SLC13A1: variants seen among roughly 807,000 people sequenced by gnomAD.
The protein encoded by SLC13A1 is Na(+)/sulfate cotransporter.
In SLC13A1, 65 loss-of-function variants were observed where a neutral mutation model predicts 70.0. The observed-to-expected ratio is 0.93, with a 90% CI of 0.76 to 1.14. The LOEUF is 1.14. Among genes scored for constraint, SLC13A1 ranks in the 50% most tolerant of loss-of-function variants. The pLI, the probability that SLC13A1 is intolerant of heterozygous loss-of-function variation, is 0.00. For synonymous variants in SLC13A1, 275 were observed against 250.5 expected, an observed-to-expected ratio of 1.10 and a Z score of -0.92; for missense variants, 726 against 717.8, an observed-to-expected ratio of 1.01 and a Z score of -0.13.
At chr7:123,177,785 A>T (rs988273102) in intron 2 of SLC13A1, among the ~76,000 whole-genome samples, 3 of 152,088 alleles carry the variant, frequency 2.0e-5, no homozygotes, top group African/African-American at 7.2e-5. Flanking sequence ...GATCCCCATC[A>T]TCCTGTTGCA....
At chr7:123,178,139 C>A (rs2116600483) in intron 2 of SLC13A1, among the ~76,000 whole-genome samples, 1 of 151,566 alleles carries the variant, frequency 6.6e-6, no homozygotes, top group South Asian at 2.1e-4. Flanking sequence ...TTTGAAATAT[C>A]AAATTGAACA....
chr7:123,124,118 G>A (rs1214455323), intron 11 of SLC13A1, among the ~76,000 whole-genome samples: 1 of 152,106 alleles, frequency 6.6e-6, no homozygotes, highest in Non-Finnish European at 1.5e-5. Context: ...TATATTATTT[G>A]TCATTTTTAA....
chr7:123,189,621 A>G (rs1795933599), intron 1 of SLC13A1, among the ~76,000 whole-genome samples: 1 of 152,162 alleles, frequency 6.6e-6, no homozygotes. Context: ...ATGAAGTAAG[A>G]TATAGCTTTA....
At chr7:123,196,573 C>A (rs1397752068) in intron 1 of SLC13A1, among the ~76,000 whole-genome samples, 2 of 152,000 alleles carry the variant, frequency 1.3e-5, no homozygotes, top group African/African-American at 2.4e-5. Context: ...CATATCCTGA[C>A]AAGCTGACTG....
intron 1 of SLC13A1, among the ~76,000 whole-genome samples, chr7:123,199,240 A>T (rs930569497): frequency 6.6e-6 from 1 of 152,150 alleles, no homozygotes; most frequent in African/African-American, 2.4e-5. Context: ...AAAGCAAACA[A>T]AAATGCTTAC....
chr7:123,163,508 A>G (rs1794977265), intron 6 of SLC13A1, among the ~76,000 whole-genome samples: 1 of 152,100 alleles, frequency 6.6e-6, no homozygotes. Context: ...TGGACTACTA[A>G]ATATCCATCA....
Position 123,180,383 on chromosome 7 carries a change from C to G in SLC13A1, c.228+590G>C, listed in dbSNP as rs1034001256. The stretch of plus-strand genomic sequence containing the variant: ...GAGATTGTTTCAGCTGTGGTTTAGA[C>G]AGTTGTTCACTGGGTGGCTGGAGAC... On this transcript the variant is annotated intron_variant, in intron 2 of 14. Coordinates refer to ENST00000194130, the MANE Select transcript of SLC13A1 (RefSeq NM_022444.4). 5.3e-5 allele frequency among the ~76,000 whole-genome samples: 8 copies of G among 152,136 alleles called. No homozygotes were observed. In the East Asian group the frequency reaches 7.7e-4, roughly 15 times the overall value.
chr7:123,164,808 A>G (rs1410864433), intron 6 of SLC13A1, among the ~76,000 whole-genome samples: 2 of 152,088 alleles, frequency 1.3e-5, no homozygotes, highest in African/African-American at 2.4e-5. Flanking sequence ...CCAGCAAAAG[A>G]CAAGAAATAA....
chr7:123,192,514 TACTG>T (rs753298793), intron 1 of SLC13A1, among the ~76,000 whole-genome samples: 3 of 152,186 alleles, frequency 2.0e-5, no homozygotes, highest in Admixed American at 6.5e-5. Flanking sequence ...TTAAATGACA[TACTG>T]ACTGATATTA....
At chr7:123,182,677 C>T (rs1333799070) in intron 1 of SLC13A1, among the ~76,000 whole-genome samples, 1 of 152,124 alleles carries the variant, frequency 6.6e-6, no homozygotes, top group African/African-American at 2.4e-5. Context: ...TCACCATATA[C>T]ACCCCCTGCC....
At chr7:123,125,434 CA>C in intron 11 of SLC13A1, 134 bp downstream of exon 11, 1 of 630,504 alleles carries the variant, frequency 1.6e-6, no homozygotes, top group Non-Finnish European at 2.8e-6. Flanking sequence ...TTGCAGTTTG[CA>C]AATAGGGCAT....
At chr7:123,125,442 G>T (rs992389726) in intron 11 of SLC13A1, 127 bp downstream of exon 11, 1 of 652,134 alleles carries the variant, frequency 1.5e-6, no homozygotes, top group African/African-American at 1.8e-5. Context: ...TGCAAATAGG[G>T]CATGCTAGGC....
chr7:123,118,347 A>G (rs1260570793), intron 13 of SLC13A1, among the ~76,000 whole-genome samples: 1 of 152,154 alleles, frequency 6.6e-6, no homozygotes, highest in African/African-American at 2.4e-5. Flanking sequence ...TACACAGCCT[A>G]CATTTTTTCT....
At chr7:123,128,791 G>C (rs1405877213) in intron 10 of SLC13A1, 54 bp downstream of exon 10, 1 of 1,119,248 alleles carries the variant, frequency 8.9e-7, no homozygotes, top group Non-Finnish European at 1.4e-6. Context: ...CCACACAGGA[G>C]AGAAGCAGAG....
chr7:123,169,567 A>G lies in SLC13A1; in HGVS notation c.366-232T>C, dbSNP rs138737450. Among the ~76,000 whole-genome samples the G allele has an allele frequency of 1.1e-4, 16 of 152,268 alleles. No individual in the cohort carries two copies. In the South Asian group the frequency reaches 2.3e-3, roughly 22 times the overall value. On this transcript the variant is annotated intron_variant, in intron 3 of 14. Transcript: ENST00000194130. ...TCTTAAGAGATTTGTCTCCCAGGGA[A>G]CCATGCAAATTTTCTCTTCAGAAAC...
intron 12 of SLC13A1, among the ~76,000 whole-genome samples, chr7:123,121,483 C>G (rs553331652): frequency 2.5e-4 from 38 of 152,222 alleles, no homozygotes; most frequent in African/African-American, 8.9e-4. Context: ...CTTGCCTCTT[C>G]TTGTCCCTGT....
intron 3 of SLC13A1, among the ~76,000 whole-genome samples, chr7:123,171,094 C>T (rs1795257305): frequency 6.6e-6 from 1 of 152,098 alleles, no homozygotes; most frequent in Admixed American, 6.6e-5. Flanking sequence ...GAAGAAACAT[C>T]TAAGGCTTTA....
intron 1 of SLC13A1, chr7:123,190,582 CT>C (rs1795960623): frequency 4.4e-6 from 2 of 456,576 alleles, no homozygotes; most frequent in Non-Finnish European, 8.8e-6. Flanking sequence ...CTGGCCTGCT[CT>C]TCATCTTCAT....
intron 7 of SLC13A1, among the ~76,000 whole-genome samples, chr7:123,143,859 G>A (rs1794248000): frequency 6.6e-6 from 1 of 152,040 alleles, no homozygotes; most frequent in Non-Finnish European, 1.5e-5. Flanking sequence ...GATAATAAAT[G>A]TGTGCTGTGT....
Sources: allele counts gnomAD v4.1 joint callset (sites outside exome capture counted in the v4.1 genomes callset), GRCh38; gene constraint gnomAD v4.1.1; transcripts MANE v1.5; gene names NCBI Gene and HGNC (gene_info 2026-07-23, HGNC 2026-07-21).